NOX3: variants seen among roughly 807,000 people sequenced by gnomAD.
The protein encoded by NOX3 is NADPH oxidase 3, also known as NADPH oxidase catalytic subunit-like 3.
NOX3 carries 74 observed loss-of-function variants against 76.7 expected under a neutral mutation model. That is an observed-to-expected ratio of 0.96 (90% confidence interval 0.80 to 1.17). NOX3 has a LOEUF of 1.17. NOX3 is among the 50% of genes most tolerant of loss of function. NOX3 has a pLI of 0.00. For synonymous variants in NOX3, 263 were observed against 261.1 expected (o/e 1.01, Z -0.07); for missense variants, 695 against 703.3 (o/e 0.99, Z 0.13).
intron 9 of NOX3, among the ~76,000 whole-genome samples, chr6:155,425,476 A>G (rs544842880): frequency 2.6e-5 from 4 of 152,088 alleles, no homozygotes; most frequent in Non-Finnish European, 5.9e-5. Context: ...ACCCTACCCC[A>G]TTAAGTTCCA....
chr6:155,447,365 T>C (rs1342182952), intron 4 of NOX3, among the ~76,000 whole-genome samples: 1 of 152,230 alleles, frequency 6.6e-6, no homozygotes. Flanking sequence ...TTCTTCTCTG[T>C]AATGAGTTGT....
intron 13 of NOX3, among the ~76,000 whole-genome samples, chr6:155,396,282 G>C (rs750843066): frequency 1.3e-5 from 2 of 152,194 alleles, no homozygotes; most frequent in Non-Finnish European, 2.9e-5. Flanking sequence ...ATGAACAAAA[G>C]CACAAAAGGA....
At chr6:155,443,552 A>G in intron 4 of NOX3, 134 bp from the exon 5 acceptor site, 1 of 1,058,560 alleles carries the variant, frequency 9.4e-7, no homozygotes, top group Non-Finnish European at 1.3e-6. Flanking sequence ...TGATGTATTT[A>G]CACATCTTTC....
intron 10 of NOX3, among the ~76,000 whole-genome samples, chr6:155,415,258 A>T (rs972970404): frequency 6.6e-6 from 1 of 152,206 alleles, no homozygotes; most frequent in Admixed American, 6.5e-5. Flanking sequence ...CTAAATTTTG[A>T]TAAACAGTTT....
chr6:155,434,347 C>T (rs955207003), intron 7 of NOX3, among the ~76,000 whole-genome samples: 1 of 152,212 alleles, frequency 6.6e-6, no homozygotes, highest in Non-Finnish European at 1.5e-5. Flanking sequence ...CTAGGACGAC[C>T]AGGCATCTTT....
chr6:155,399,709 G>T (rs1429749617), intron 12 of NOX3, among the ~76,000 whole-genome samples: 1 of 149,744 alleles, frequency 6.7e-6, no homozygotes, highest in African/African-American at 2.5e-5. Context: ...AAGTGTTTAA[G>T]GGACAGATGT....
At chr6:155,426,895 C>T (rs1359272919) in intron 9 of NOX3, among the ~76,000 whole-genome samples, 1 of 151,534 alleles carries the variant, frequency 6.6e-6, no homozygotes, top group Non-Finnish European at 1.5e-5. Context: ...ACACACAGGG[C>T]AGAAGCCAGT....
intron 12 of NOX3, among the ~76,000 whole-genome samples, chr6:155,398,165 G>T (rs1779164396): frequency 6.6e-6 from 1 of 151,944 alleles, no homozygotes; most frequent in South Asian, 2.1e-4. Context: ...TGGATCAAAA[G>T]TTCTCAAGCT....
Position 155,411,321 on chromosome 6 carries a change from CA to C in NOX3, c.1347del (p.Phe449LeufsTer15), listed in dbSNP as rs763640335. ...FYWICRDARA[F>X]EWFADLLLSL... ...GAGAGTAAGAGATCAGCAAACCACT[CA>C]AAAGCTCTTGCATCCCGGCAAATCC... On this transcript the variant is annotated frameshift_variant, in exon 11 of 14. Transcript: ENST00000159060. LOFTEE classifies it high-confidence loss of function. The C allele has an allele frequency of 6.2e-6, 10 of 1,613,898 alleles. No individual in the cohort carries two copies. Among genetic ancestry groups the C allele is most frequent in the Middle Eastern group, 1.6e-4 (1 of 6,082 alleles).
At position 155,395,401 on chromosome 6, in the gene NOX3, T is replaced by G. The variant is rs1000819671; in HGVS notation, c.*201A>C. 5.3e-5 allele frequency: 8 copies of G among 152,184 alleles called. No homozygotes were observed. Among genetic ancestry groups the G allele is most frequent in the Non-Finnish European group, 1.2e-4 (8 of 68,010 alleles). The allele number at this position is 152,184 out of a possible 1,614,324, so 9.4% of individuals were successfully genotyped here. ...CATAATATATTTTAATTTCAGTAAA[T>G]GTTTTTGTTCTGTTGTATATGACAT... is the stretch of plus-strand genomic sequence containing the variant. On this transcript the variant is annotated 3_prime_UTR_variant, in exon 14 of 14. Transcript: ENST00000159060.
In NOX3 at chr6:155,411,372, GA is replaced by G; in HGVS notation, c.1309-13del. On this transcript the variant is annotated splice_polypyrimidine_tract_variant and intron_variant, in intron 10 of 13. Coordinates refer to ENST00000159060, the MANE Select transcript of NOX3 (RefSeq NM_015718.3). The stretch of plus-strand genomic sequence containing the variant: ...CAGTAGAAATACACCTGTCAAGAGA[GA>G]AGGCAAGTGAACGGATCTATTCTCT... The G allele has an allele frequency of 6.2e-7, 1 of 1,610,620 alleles. No homozygotes were observed. The highest frequency in any genetic ancestry group is 1.1e-5 in the South Asian group (1 of 90,410).
At chr6:155,409,869 C>A (rs1049626531) in intron 11 of NOX3, among the ~76,000 whole-genome samples, 2 of 152,068 alleles carry the variant, frequency 1.3e-5, no homozygotes, top group Non-Finnish European at 2.9e-5. Flanking sequence ...CGGGAGGGGG[C>A]AGGATTGTGT....
intron 8 of NOX3, among the ~76,000 whole-genome samples, chr6:155,429,433 A>C (rs963188906): frequency 1.3e-5 from 2 of 152,242 alleles, no homozygotes; most frequent in African/African-American, 4.8e-5. Context: ...TGTTTTTAAC[A>C]TCTAGGAACA....
At chr6:155,447,932 C>T (rs1777084883) in intron 4 of NOX3, among the ~76,000 whole-genome samples, 1 of 152,172 alleles carries the variant, frequency 6.6e-6, no homozygotes, top group Non-Finnish European at 1.5e-5. Context: ...TTCCCTTCTA[C>T]ATTTTAGGCT....
intron 11 of NOX3, among the ~76,000 whole-genome samples, chr6:155,407,990 G>A (rs1008912117): frequency 2.0e-5 from 3 of 152,044 alleles, no homozygotes; most frequent in African/African-American, 7.2e-5. Context: ...ATGTTTTTGT[G>A]TTTTTTGAGA....
chr6:155,446,969 TAGTC>T (rs1333195070), intron 4 of NOX3, among the ~76,000 whole-genome samples: 5 of 152,134 alleles, frequency 3.3e-5, no homozygotes, highest in Non-Finnish European at 7.4e-5. Flanking sequence ...CCATATATGA[TAGTC>T]AGAAAGAGAA....
chr6:155,415,298 C>T (rs1315805316), intron 10 of NOX3, among the ~76,000 whole-genome samples: 2 of 152,206 alleles, frequency 1.3e-5, no homozygotes, highest in Non-Finnish European at 2.9e-5. Context: ...CACTACCAAT[C>T]TGTGTTACTA....
At chr6:155,442,210 G>A (rs1160917037) in intron 5 of NOX3, among the ~76,000 whole-genome samples, 1 of 152,128 alleles carries the variant, frequency 6.6e-6, no homozygotes, top group Non-Finnish European at 1.5e-5. Context: ...CTTGCAGTGA[G>A]CCGTGATCGC....
intron 5 of NOX3, 68 bp from the exon 6 acceptor site, chr6:155,440,205 G>T: frequency 7.6e-7 from 1 of 1,309,668 alleles, no homozygotes; most frequent in Non-Finnish European, 1.0e-6. Flanking sequence ...AAATATCCTG[G>T]CATATTTTTT....
Sources: gnomAD v4.1 joint callset for allele counts (sites outside exome capture counted in the v4.1 genomes callset) on GRCh38, gnomAD v4.1.1 for gene constraint, MANE v1.5 for transcripts, NCBI Gene and HGNC (gene_info 2026-07-23, HGNC 2026-07-21) for gene names.